Variants in MS4A6E observed in about 807,000 individuals in gnomAD.
MS4A6E encodes the protein membrane-spanning 4-domains subfamily A member 6E.
A neutral mutation model predicts 13.2 loss-of-function variants in MS4A6E; 8 were observed. That is an observed-to-expected ratio of 0.60 (90% confidence interval 0.35 to 1.09). MS4A6E has a LOEUF of 1.09. Ranked by LOEUF, MS4A6E falls within the 50% of genes least tolerant of loss-of-function variation. MS4A6E has a pLI of 0.02. For missense variants in MS4A6E, 177 were observed against 171.1 expected (o/e 1.03, Z -0.19); for synonymous variants, 72 against 67.6 (o/e 1.06, Z -0.32).
intron 1 of MS4A6E, among the ~76,000 whole-genome samples, chr11:60,332,549 C>T (rs1206066144): frequency 6.6e-6 from 1 of 152,212 alleles, no homozygotes; most frequent in African/African-American, 2.4e-5. Context: ...CCAGGGGAAT[C>T]TTCTATTCCC....
At chr11:60,330,467 G>A (rs12799799) in intron 1 of MS4A6E, among the ~76,000 whole-genome samples, 47,166 of 140,782 alleles carry the variant, frequency 0.34, 9,119 homozygotes, top group Admixed American at 0.39. Flanking sequence ...TCAGCCTCCC[G>A]AGTAGCTGGG....
At position 60,334,877 on chromosome 11, in the gene MS4A6E, C is replaced by T. The variant is rs76804792; in HGVS notation, c.-14-5C>T. On this transcript the variant is annotated splice_region_variant and splice_polypyrimidine_tract_variant and intron_variant, in intron 1 of 4. Transcript: ENST00000684409. ...TAAGAGCTAAATCTATTTTTTCTTC[C>T]GTAGTTGGCAACACCATTATGACAT... 40,636 of 1,610,236 alleles carry T rather than the reference C, an allele frequency of 0.025. 623 individuals carry two copies. Among genetic ancestry groups the T allele is most frequent in the Non-Finnish European group, 0.029 (34,442 of 1,178,306 alleles).
At chr11:60,338,152 A>C (rs1403482750) in intron 3 of MS4A6E, among the ~76,000 whole-genome samples, 1 of 152,230 alleles carries the variant, frequency 6.6e-6, no homozygotes, top group African/African-American at 2.4e-5. Flanking sequence ...ATGTCAGATA[A>C]GGTTGATGAT....
downstream of MS4A6E, among the ~76,000 whole-genome samples, chr11:60,345,815 T>A (rs901743911): frequency 8.5e-5 from 13 of 152,170 alleles, no homozygotes; most frequent in African/African-American, 2.9e-4. Flanking sequence ...ACTGTGGCAA[T>A]GGCTTGGAGG....
chr11:60,331,992 C>T (rs1222372107), intron 1 of MS4A6E, among the ~76,000 whole-genome samples: 2 of 152,122 alleles, frequency 1.3e-5, no homozygotes, highest in South Asian at 2.1e-4. Context: ...CCTCCAAAAT[C>T]GTGAGAAATA....
chr11:60,345,460 G>T (rs372433016), downstream of MS4A6E, among the ~76,000 whole-genome samples: 74 of 152,334 alleles, frequency 4.9e-4, no homozygotes, highest in South Asian at 0.015. Context: ...AGTGGCTACT[G>T]CATATCCTGA....
At chr11:60,330,434 C>T (rs1244863082) in intron 1 of MS4A6E, among the ~76,000 whole-genome samples, 6 of 138,772 alleles carry the variant, frequency 4.3e-5, no homozygotes, top group East Asian at 5.2e-4. Context: ...CTCCGCCTCC[C>T]GGGTTCACAC....
At chr11:60,334,083 T>G (rs1329357205) in intron 1 of MS4A6E, among the ~76,000 whole-genome samples, 2 of 152,246 alleles carry the variant, frequency 1.3e-5, no homozygotes, top group African/African-American at 2.4e-5. Context: ...ATTCTGGGTT[T>G]CCAGCGGGGT....
At chr11:60,347,249 T>A (rs1361843322) in intron 4 of MS4A6E, among the ~76,000 whole-genome samples, 1 of 152,172 alleles carries the variant, frequency 6.6e-6, no homozygotes, top group East Asian at 1.9e-4. Context: ...TGGAATTTCC[T>A]GACATGGCTG....
chr11:60,334,878 G>A lies in MS4A6E; in HGVS notation c.-14-4G>A, dbSNP rs553306643. 42 of 1,610,976 alleles carry A rather than the reference G, an allele frequency of 2.6e-5. No individual in the cohort carries two copies. In the Middle Eastern group the frequency reaches 6.6e-4, roughly 25 times the overall value. ...AAGAGCTAAATCTATTTTTTCTTCC[G>A]TAGTTGGCAACACCATTATGACATC... On this transcript the variant is annotated splice_region_variant and splice_polypyrimidine_tract_variant and intron_variant, in intron 1 of 4. Transcript: ENST00000684409.
downstream of MS4A6E, among the ~76,000 whole-genome samples, chr11:60,342,662 T>G (rs763430813): frequency 3.9e-5 from 6 of 152,238 alleles, no homozygotes; most frequent in Admixed American, 6.5e-5. Flanking sequence ...GCCTGCTTTT[T>G]TGCTGCACAC....
At chr11:60,342,580 T>C (rs1488623370), downstream of MS4A6E, among the ~76,000 whole-genome samples, 6 of 152,108 alleles carry the variant, frequency 3.9e-5, no homozygotes, top group Non-Finnish European at 8.8e-5. Context: ...TTACATAGCA[T>C]GGGAAGTGCT....
Position 60,337,920 on chromosome 11 carries a change from C to G in MS4A6E, c.327C>G (p.Asp109Glu), listed in dbSNP as rs752038447. ...ATTATCATTCACCTTACACCATGGA[C>G]TGCCATAGAGCCAAAGCCAGTCTGG... ...SYDYHSPYTM[D>E]CHRAKASLAG... The change falls in exon 3 of 5, where the codon GAC (aspartate) becomes GAG (glutamate). Residue 109 changes from aspartate (D) to glutamate (E), a missense_variant. Asp to Glu is a conservative substitution (Grantham distance 45). Coordinates refer to ENST00000684409, the MANE Select transcript of MS4A6E (RefSeq NM_139249.4). 1 of 1,614,218 alleles carries G rather than the reference C, an allele frequency of 6.2e-7. No individual in the cohort carries two copies. The highest frequency in any genetic ancestry group is 2.2e-5 in the East Asian group (1 of 44,892).
At chr11:60,341,702 G>T (rs2085226828), downstream of MS4A6E, among the ~76,000 whole-genome samples, 1 of 152,122 alleles carries the variant, frequency 6.6e-6, no homozygotes, top group Non-Finnish European at 1.5e-5. Flanking sequence ...TGTAGCAGGG[G>T]TCATACTTCA....
At chr11:60,334,106 T>G (rs935099516) in intron 1 of MS4A6E, among the ~76,000 whole-genome samples, 2 of 152,206 alleles carry the variant, frequency 1.3e-5, no homozygotes, top group South Asian at 4.1e-4. Context: ...CCCAAGGCAC[T>G]GGTTTCTGTC....
chr11:60,327,347 G>A lies in MS4A6E; in HGVS notation c.-76G>A, dbSNP rs148001167. 2.3e-3 allele frequency among the ~76,000 whole-genome samples: 356 copies of A among 152,338 alleles called. 2 individuals carry two copies. Among genetic ancestry groups the A allele is most frequent in the African/African-American group, 8.0e-3 (331 of 41,582 alleles). ...AGATACCATCTTGGAAGCAAGCAAC[G>A]TGACCCTAAGTAGATGCTGAACCTG... On this transcript the variant is annotated 5_prime_UTR_variant, in exon 1 of 5. In the 5' UTR this introduces an upstream ATG that the reference lacks. Coordinates refer to ENST00000684409, the MANE Select transcript of MS4A6E (RefSeq NM_139249.4).
intron 1 of MS4A6E, among the ~76,000 whole-genome samples, chr11:60,327,719 A>T (rs1327688980): frequency 2.6e-5 from 4 of 152,094 alleles, no homozygotes; most frequent in Non-Finnish European, 1.5e-5. Context: ...GTCAGATGAA[A>T]ATGAGAAATA....
downstream of MS4A6E, among the ~76,000 whole-genome samples, chr11:60,342,873 C>T (rs987995839): frequency 2.0e-5 from 3 of 152,202 alleles, no homozygotes; most frequent in African/African-American, 7.2e-5. Flanking sequence ...AAAAGAAAAT[C>T]TTACTGAGAA....
intron 1 of MS4A6E, among the ~76,000 whole-genome samples, chr11:60,331,562 A>T (rs536789458): frequency 6.6e-6 from 1 of 152,206 alleles, no homozygotes; most frequent in South Asian, 2.1e-4. Context: ...GTTTTCCATG[A>T]GTTCAAGTTA....
Sources: gnomAD v4.1 joint callset for allele counts (sites outside exome capture counted in the v4.1 genomes callset) on GRCh38, gnomAD v4.1.1 for gene constraint, MANE v1.5 for transcripts, NCBI Gene and HGNC (gene_info 2026-07-23, HGNC 2026-07-21) for gene names.